DGKB: variants seen among roughly 807,000 people sequenced by gnomAD.
DGKB encodes the protein 90 kDa diacylglycerol kinase.
A neutral mutation model predicts 114.3 loss-of-function variants in DGKB; 67 were observed. The observed-to-expected ratio is 0.59, with a 90% confidence interval of 0.48 to 0.72. DGKB has a LOEUF of 0.72. Ranked by LOEUF, DGKB falls within the 30% of genes least tolerant of loss-of-function variation. DGKB has a pLI of 0.00. For missense variants in DGKB, 907 were observed against 975.2 expected (o/e 0.93, Z 0.93); for synonymous variants, 398 against 323.1 (o/e 1.23, Z -2.49).
Position 14,345,358 on chromosome 7 carries a change from G to T in DGKB, c.1869C>A (p.Gly623=). 6.5e-7 allele frequency: 1 copy of T among 1,544,846 alleles called. No homozygotes were observed. Residue 623 remains glycine (G), a synonymous_variant, in exon 22 of 26, where the codon GGC becomes GGA. Transcript: ENST00000402815. ...AGGTGGCTGAGAAAGTTTCAGATGT[G>T]CCAAACTCAAAATACCAAAATTTGT... is the stretch of plus-strand genomic sequence containing the variant. ...MKNKFWYFEF[G]TSETFSATCK...
chr7:14,876,352 T>C (rs370594623), intron 1 of DGKB, among the ~76,000 whole-genome samples: 90 of 152,356 alleles, frequency 5.9e-4, no homozygotes, highest in African/African-American at 2.0e-3. Flanking sequence ...GTAGCCCTGC[T>C]CTGCAGGAGC....
At chr7:14,168,844 C>T (rs527776626) in intron 25 of DGKB, among the ~76,000 whole-genome samples, 8 of 152,258 alleles carry the variant, frequency 5.3e-5, no homozygotes, top group East Asian at 3.9e-4. Context: ...AAAAAGGCTT[C>T]ATGAGGAAAT....
At chr7:14,577,177 T>C (rs1306656710) in intron 19 of DGKB, among the ~76,000 whole-genome samples, 1 of 152,198 alleles carries the variant, frequency 6.6e-6, no homozygotes, top group Non-Finnish European at 1.5e-5. Context: ...AAGCCTGTAA[T>C]CAATCCAGGC....
At chr7:14,619,637 T>A (rs1432097857) in intron 15 of DGKB, among the ~76,000 whole-genome samples, 1 of 151,622 alleles carries the variant, frequency 6.6e-6, no homozygotes, top group Admixed American at 6.6e-5. Flanking sequence ...GTTAAAAAAT[T>A]TTAAGCAAAG....
rs534699933 is a variant in DGKB at position 14,863,654 on chromosome 7, T to A, written c.-187-22204A>T. On this transcript the variant is annotated intron_variant, in intron 1 of 25. Coordinates refer to ENST00000402815, the MANE Select transcript of DGKB (RefSeq NM_001350709.2). ...ATTGACAAATAATAATTGTGTATAT[T>A]TATGGGATATGATGAAATGTTTTGA... Among the ~76,000 whole-genome samples the A allele has an allele frequency of 4.6e-5, 7 of 152,230 alleles. No homozygotes were observed. In the South Asian group the frequency reaches 1.5e-3, roughly 32 times the overall value.
intron 2 of DGKB, among the ~76,000 whole-genome samples, chr7:14,821,576 A>G (rs1844938398): frequency 1.3e-5 from 2 of 152,206 alleles, no homozygotes; most frequent in South Asian, 2.1e-4. Flanking sequence ...GAATACGACA[A>G]GACTAGTGTG....
intron 20 of DGKB, among the ~76,000 whole-genome samples, chr7:14,567,258 A>C (rs1403167392): frequency 6.0e-5 from 3 of 50,162 alleles, no homozygotes; most frequent in African/African-American, 2.8e-4. Context: ...TTATATATTT[A>C]TATATTATAT....
intron 1 of DGKB, among the ~76,000 whole-genome samples, chr7:14,920,910 AT>A (rs1271047972): frequency 3.3e-5 from 5 of 151,860 alleles, no homozygotes; most frequent in Admixed American, 2.0e-4. Flanking sequence ...ACTAAATTAC[AT>A]TTTCTTTTTA....
At chr7:14,260,947 A>C (rs1355586140) in intron 23 of DGKB, among the ~76,000 whole-genome samples, 3 of 152,176 alleles carry the variant, frequency 2.0e-5, no homozygotes, top group African/African-American at 7.2e-5. Flanking sequence ...AGAGTCATGA[A>C]AATCACTTAA....
intron 2 of DGKB, among the ~76,000 whole-genome samples, chr7:14,779,547 A>G (rs10279438): frequency 0.066 from 9,997 of 152,258 alleles, 1,040 homozygotes; most frequent in African/African-American, 0.22. Context: ...TATAACCATC[A>G]ATTAAGATTC....
At chr7:14,205,654 A>G (rs1364438112) in intron 23 of DGKB, among the ~76,000 whole-genome samples, 1 of 151,920 alleles carries the variant, frequency 6.6e-6, no homozygotes, top group African/African-American at 2.4e-5. Context: ...AAACCTTTTC[A>G]CCTTTAGACA....
chr7:14,254,076 G>A (rs1346776397), intron 23 of DGKB, among the ~76,000 whole-genome samples: 1 of 152,168 alleles, frequency 6.6e-6, no homozygotes, highest in African/African-American at 2.4e-5. Context: ...AAGAAGGAGT[G>A]AGAGGTACAA....
At chr7:14,224,197 C>G (rs1790432740) in intron 23 of DGKB, among the ~76,000 whole-genome samples, 1 of 151,752 alleles carries the variant, frequency 6.6e-6, no homozygotes, top group Non-Finnish European at 1.5e-5. Context: ...TAGCATTTTT[C>G]TTCATTGTTA....
chr7:14,695,484 C>G (rs887702191), intron 8 of DGKB, among the ~76,000 whole-genome samples: 3 of 119,534 alleles, frequency 2.5e-5, no homozygotes, highest in African/African-American at 1.1e-4. Context: ...TCATTTCTCT[C>G]TCTCTCTCTC....
chr7:14,483,758 C>T (rs369570391), intron 20 of DGKB, among the ~76,000 whole-genome samples: 128 of 152,206 alleles, frequency 8.4e-4, no homozygotes, highest in African/African-American at 2.9e-3. Context: ...GGAGACGATG[C>T]GACTACAAAG....
intron 4 of DGKB, among the ~76,000 whole-genome samples, chr7:14,740,989 GAGT>G (rs1373817408): frequency 3.9e-5 from 6 of 152,152 alleles, no homozygotes; most frequent in African/African-American, 1.4e-4. Flanking sequence ...CTTTCTAGAT[GAGT>G]AGCCATTCGT....
intron 23 of DGKB, among the ~76,000 whole-genome samples, chr7:14,252,445 C>T (rs1795377319): frequency 6.6e-6 from 1 of 152,172 alleles, no homozygotes; most frequent in South Asian, 2.1e-4. Context: ...CTCTTTCAGT[C>T]CTCATAGACT....
At chr7:14,750,444 C>G (rs1833936923) in intron 4 of DGKB, among the ~76,000 whole-genome samples, 1 of 152,138 alleles carries the variant, frequency 6.6e-6, no homozygotes, top group South Asian at 2.1e-4. Context: ...CTTCGATGTT[C>G]AAAGTACAAC....
chr7:14,200,154 G>A (rs991887762), intron 23 of DGKB, among the ~76,000 whole-genome samples: 3 of 152,020 alleles, frequency 2.0e-5, no homozygotes, highest in Non-Finnish European at 4.4e-5. Context: ...AAGTTGTTTA[G>A]TAACAATTCT....
Sources: gnomAD v4.1 joint callset for allele counts (sites outside exome capture counted in the v4.1 genomes callset) on GRCh38, gnomAD v4.1.1 for gene constraint, MANE v1.5 for transcripts, NCBI Gene and HGNC (gene_info 2026-07-23, HGNC 2026-07-21) for gene names.